Variants in SOX5 observed in about 807,000 individuals in gnomAD.
SOX5 encodes the protein transcription factor SOX-5.
In SOX5, 9 loss-of-function variants were observed where a neutral mutation model predicts 92.0. That is an observed-to-expected ratio of 0.10 (90% CI 0.06 to 0.17). The LOEUF (loss-of-function observed/expected upper bound fraction) is 0.17. Among genes scored for constraint, SOX5 ranks in the 10% least tolerant of loss-of-function variants. The probability of loss-of-function intolerance (pLI) is 1.00; values close to 1 mark genes in which losing one functional copy is unlikely to be tolerated. For missense variants in SOX5, 642 were observed against 944.5 expected, an observed-to-expected ratio of 0.68 and a Z score of 4.20; for synonymous variants, 344 against 336.3, an observed-to-expected ratio of 1.02 and a Z score of -0.25.
At chr12:24,048,042 T>C (rs1957219585) in intron 4 of SOX5, among the ~76,000 whole-genome samples, 1 of 152,198 alleles carries the variant, frequency 6.6e-6, no homozygotes, top group Admixed American at 6.5e-5. Flanking sequence ...TGTCAGTCCC[T>C]ACACCTGAAG....
chr12:23,541,977 T>A (rs1241903421), intron 13 of SOX5, among the ~76,000 whole-genome samples: 1 of 152,012 alleles, frequency 6.6e-6, no homozygotes, highest in Non-Finnish European at 1.5e-5. Context: ...GGGCATGGTG[T>A]CCCGCGCCTG....
intron 8 of SOX5, among the ~76,000 whole-genome samples, chr12:23,630,900 G>A (rs55643544): frequency 1.3e-5 from 2 of 151,930 alleles, no homozygotes; most frequent in Non-Finnish European, 2.9e-5. Context: ...AGCTTAAAAA[G>A]ATAAAATTGC....
At chr12:24,000,611 C>A (rs1951506569) in intron 4 of SOX5, among the ~76,000 whole-genome samples, 1 of 151,894 alleles carries the variant, frequency 6.6e-6, no homozygotes, top group African/African-American at 2.4e-5. Context: ...AGACAATATT[C>A]ATTACAAAGA....
intron 3 of SOX5, among the ~76,000 whole-genome samples, chr12:23,816,212 T>C (rs1358991970): frequency 6.6e-6 from 1 of 150,638 alleles, no homozygotes. Context: ...GATTTCTTTT[T>C]TTTTTTTTTT....
intron 4 of SOX5, among the ~76,000 whole-genome samples, chr12:24,045,980 A>G (rs574817234): frequency 6.6e-6 from 1 of 152,224 alleles, no homozygotes; most frequent in Non-Finnish European, 1.5e-5. Flanking sequence ...GGTCATGTCT[A>G]TCCCAAGCGT....
chr12:24,428,247 A>G lies in SOX5; in HGVS notation c.-250-59608T>C, dbSNP rs56408542. ...AAAAACCTGAGTTTACAGTAAGAAC[A>G]TACAGAAATGACCTTGCTGGCCAGT... On this transcript the variant is annotated intron_variant, in intron 1 of 4. Transcript: ENST00000446891. Among the ~76,000 whole-genome samples, 436 of 151,936 alleles carry G rather than the reference A, an allele frequency of 2.9e-3. 3 individuals carry two copies. The highest frequency in any genetic ancestry group is 9.7e-3 in the African/African-American group (402 of 41,486).
At chr12:24,069,236 T>C (rs990188349) in intron 4 of SOX5, among the ~76,000 whole-genome samples, 1 of 152,160 alleles carries the variant, frequency 6.6e-6, no homozygotes, top group Non-Finnish European at 1.5e-5. Flanking sequence ...CATGGAAACT[T>C]AATAGAGCAC....
At chr12:23,604,849 T>C (rs2075039697) in intron 8 of SOX5, among the ~76,000 whole-genome samples, 1 of 152,212 alleles carries the variant, frequency 6.6e-6, no homozygotes, top group African/African-American at 2.4e-5. Flanking sequence ...GAGCTCTTTA[T>C]ATTCTACTTT....
At chr12:24,056,212 G>A (rs1958083573) in intron 4 of SOX5, among the ~76,000 whole-genome samples, 1 of 152,118 alleles carries the variant, frequency 6.6e-6, no homozygotes, top group South Asian at 2.1e-4. Flanking sequence ...AATGATCAGT[G>A]ACTTGTTCCC....
chr12:24,112,907 A>G (rs1947541456), intron 4 of SOX5, among the ~76,000 whole-genome samples: 1 of 150,902 alleles, frequency 6.6e-6, no homozygotes, highest in Non-Finnish European at 1.5e-5. Flanking sequence ...TTAGGGTTCC[A>G]TTTTTTTTCA....
At chr12:24,200,944 TC>T (rs1360065899) in intron 4 of SOX5, among the ~76,000 whole-genome samples, 1 of 152,148 alleles carries the variant, frequency 6.6e-6, no homozygotes, top group Non-Finnish European at 1.5e-5. Flanking sequence ...TGCTCAAGGT[TC>T]CTTTGGATCT....
rs376550773 is a variant in SOX5 at position 23,704,687 on chromosome 12, C to CATATATATATATATATAT, written c.810+29979_810+29996dup. On this transcript the variant is annotated intron_variant, in intron 6 of 14. Transcript: ENST00000451604. Reference sequence around the variant, plus strand: ...TTAGTTCTGGGCATATATATGCATGCATATATATATATATATATATATATA... The same window carrying CATATATATATATATATAT: ...TTAGTTCTGGGCATATATATGCATGCATATATATATATATATATATATATATATATATATATATATATA... Among the ~76,000 whole-genome samples, 628 of 89,906 alleles carry CATATATATATATATATAT rather than the reference C, an allele frequency of 7.0e-3. 12 individuals are homozygous for CATATATATATATATATAT. Among genetic ancestry groups the CATATATATATATATATAT allele is most frequent in the Non-Finnish European group, 8.2e-3 (361 of 44,114 alleles). The allele number at this position is 89,906 out of a possible 152,430, so 59.0% of individuals were successfully genotyped here. A position where few individuals can be genotyped will look rare whatever the true frequency, so the allele number is the denominator to read the frequency against.
intron 6 of SOX5, among the ~76,000 whole-genome samples, chr12:23,700,197 C>CT (rs200356452): frequency 8.0e-5 from 12 of 150,368 alleles, no homozygotes; most frequent in African/African-American, 1.5e-4. Flanking sequence ...ATATCTCTAA[C>CT]TTTTTTTTTT....
chr12:23,991,347 A>AT (rs762750069), intron 4 of SOX5, among the ~76,000 whole-genome samples: 22 of 151,362 alleles, frequency 1.5e-4, no homozygotes, highest in South Asian at 4.2e-4. Flanking sequence ...ACAACAAAAA[A>AT]AATATATATA....
intron 4 of SOX5, among the ~76,000 whole-genome samples, chr12:24,032,834 C>A (rs1239636496): frequency 1.3e-5 from 2 of 151,802 alleles, no homozygotes; most frequent in Non-Finnish European, 2.9e-5. Flanking sequence ...ATTTTATTTT[C>A]AATTAAATTA....
intron 1 of SOX5, among the ~76,000 whole-genome samples, chr12:24,392,981 T>C (rs1421481670): frequency 6.6e-6 from 1 of 152,098 alleles, no homozygotes; most frequent in Non-Finnish European, 1.5e-5. Context: ...CATCAATCAA[T>C]AGACCAACAG....
At chr12:24,049,643 T>G (rs993748181) in intron 4 of SOX5, among the ~76,000 whole-genome samples, 15 of 9,336 alleles carry the variant, frequency 1.6e-3, no homozygotes, top group African/African-American at 2.1e-3. Flanking sequence ...TCATAGTTTT[T>G]TTTTTTTTTT....
intron 1 of SOX5, among the ~76,000 whole-genome samples, chr12:23,934,418 T>C (rs1320067148): frequency 1.3e-5 from 2 of 149,682 alleles, no homozygotes; most frequent in Non-Finnish European, 3.0e-5. Flanking sequence ...TCACATATGA[T>C]GTGTATATAT....
In SOX5 at chr12:23,758,679, G is replaced by A. The variant is rs75837736; in HGVS notation, c.482-2955C>T. On this transcript the variant is annotated intron_variant, in intron 3 of 14. Coordinates refer to ENST00000451604, the MANE Select transcript of SOX5 (RefSeq NM_006940.6). ...ACATACATTGCTGTGGTTTGAATGG[G>A]TCCGCCCAAAAGCATGTGTTGAAAA... 7.5e-3 allele frequency among the ~76,000 whole-genome samples: 1,137 copies of A among 151,988 alleles called. 20 individuals carry two copies. The highest frequency in any genetic ancestry group is 0.025 in the African/African-American group (1,048 of 41,462).
Sources: gnomAD v4.1 joint callset for allele counts (sites outside exome capture counted in the v4.1 genomes callset) on GRCh38, gnomAD v4.1.1 for gene constraint, MANE v1.5 for transcripts, NCBI Gene and HGNC (gene_info 2026-07-23, HGNC 2026-07-21) for gene names.